The following VPS13B variants were observed in gnomAD, a reference collection of about 807,000 sequenced individuals.
VPS13B encodes vacuolar protein sorting 13 homolog B.
VPS13B carries 285 observed loss-of-function variants against 426.4 expected under a neutral mutation model. That is an observed-to-expected ratio of 0.67 (90% CI 0.61 to 0.74). The LOEUF is 0.74. VPS13B is among the 30% of genes least tolerant of loss of function. VPS13B has a pLI of 0.00. For missense variants in VPS13B, 4,537 were observed against 4,782.6 expected (o/e 0.95, Z 1.51); for synonymous variants, 1,676 against 1,676.4 (o/e 1.00, Z 0.01).
chr8:99,126,028 A>G (rs1394214832), intron 8 of VPS13B, among the ~76,000 whole-genome samples: 1 of 151,940 alleles, frequency 6.6e-6, no homozygotes, highest in Admixed American at 6.6e-5. Flanking sequence ...GAGGGGGAGA[A>G]TTGGCTGGAG....
At chr8:99,279,613 A>G (rs1460681865) in intron 19 of VPS13B, among the ~76,000 whole-genome samples, 2 of 152,070 alleles carry the variant, frequency 1.3e-5, no homozygotes, top group African/African-American at 2.4e-5. Context: ...TATTTTGCCT[A>G]TGATTCATAG....
chr8:99,360,054 C>G (rs190306053), intron 19 of VPS13B, among the ~76,000 whole-genome samples: 2 of 150,572 alleles, frequency 1.3e-5, no homozygotes, highest in East Asian at 3.9e-4. Context: ...CTGCCCACCT[C>G]GGCCTCCCAA....
intron 17 of VPS13B, chr8:99,232,916 G>A (rs779673099): frequency 7.1e-5 from 41 of 577,678 alleles, no homozygotes; most frequent in African/African-American, 1.1e-4. Flanking sequence ...GTCCCTGGCC[G>A]CCTCCGCAGA....
chr8:99,116,095 A>G lies in VPS13B; in HGVS notation c.937+221A>G, dbSNP rs537263609. ...TGGGCTGGAGTGCTGTGGTGCAATCATGGCTCACTGCAACCTCTGCCTCTC... is the reference window on the plus strand; with the variant it reads ...TGGGCTGGAGTGCTGTGGTGCAATCGTGGCTCACTGCAACCTCTGCCTCTC... On this transcript the variant is annotated intron_variant, in intron 7 of 61. Transcript: ENST00000357162. 5.9e-5 allele frequency among the ~76,000 whole-genome samples: 9 copies of G among 152,184 alleles called. No individual in the cohort carries two copies. In the South Asian group the frequency reaches 6.2e-4, roughly 11 times the overall value.
At chr8:99,064,266 T>C (rs1352225827) in intron 3 of VPS13B, among the ~76,000 whole-genome samples, 2 of 152,326 alleles carry the variant, frequency 1.3e-5, no homozygotes, top group East Asian at 3.9e-4. Context: ...TTTGAGGAGC[T>C]GACAGAATAA....
chr8:99,520,996 G>A lies in VPS13B; in HGVS notation c.4731G>A (p.Arg1577=), dbSNP rs1822355894. 6.2e-7 allele frequency: 1 copy of A among 1,613,366 alleles called. No homozygotes were observed. The highest frequency in any genetic ancestry group is 1.7e-5 in the Admixed American group (1 of 59,978). ...ATCCCCTTGGCAGATCTGTCCTTAG[G>A]AAAGATATTTACCAGTAAGTTTATT... ...ADNPLGRSVL[R]KDIYQRALNL... The change falls in exon 30 of 62, where the codon AGG becomes AGA. Residue 1577 remains arginine, a synonymous_variant. Coordinates refer to ENST00000357162, the MANE Select transcript of VPS13B (RefSeq NM_152564.5).
At chr8:99,510,509 G>GT (rs1262137560) in intron 28 of VPS13B, among the ~76,000 whole-genome samples, 1 of 152,056 alleles carries the variant, frequency 6.6e-6, no homozygotes, top group Non-Finnish European at 1.5e-5. Flanking sequence ...TCCAACCTAT[G>GT]TTTTTTTGTT....
At chr8:99,233,470 G>T in intron 17 of VPS13B, 1 of 1,346,394 alleles carries the variant, frequency 7.4e-7, no homozygotes, top group Non-Finnish European at 1.1e-6. Context: ...AGCCTGGGTT[G>T]GGATGAAGAG....
rs180744069 is a variant in VPS13B, at chr8:99,748,828, C to T, written c.7051-17946C>T. ...TTAAACTATTATGATGTATGGAATG[C>T]GCAAGATTTGGGAAGAGCAAAGCAC... is the stretch of plus-strand genomic sequence containing the variant. On this transcript the variant is annotated intron_variant, in intron 39 of 61. Coordinates refer to ENST00000357162, the MANE Select transcript of VPS13B (RefSeq NM_152564.5). Among the ~76,000 whole-genome samples the T allele has an allele frequency of 1.6e-4, 24 of 152,038 alleles. No individual in the cohort carries two copies. In the East Asian group the frequency reaches 2.3e-3, roughly 15 times the overall value.
chr8:99,059,533 G>A (rs543914405), intron 3 of VPS13B, among the ~76,000 whole-genome samples: 43 of 152,136 alleles, frequency 2.8e-4, no homozygotes, highest in African/African-American at 1.0e-3. Flanking sequence ...TCTGTACCAC[G>A]GATGTGAAGC....
chr8:99,170,753 GT>G (rs1768264159), intron 16 of VPS13B, among the ~76,000 whole-genome samples: 2 of 151,578 alleles, frequency 1.3e-5, no homozygotes, highest in African/African-American at 4.8e-5. Context: ...TAAATTTTTA[GT>G]TTAAAGGAAT....
intron 19 of VPS13B, among the ~76,000 whole-genome samples, chr8:99,320,351 T>A (rs552938080): frequency 1.1e-4 from 16 of 152,282 alleles, no homozygotes; most frequent in African/African-American, 3.6e-4. Flanking sequence ...CTCCTGGGAA[T>A]CCTAATCTTT....
intron 2 of VPS13B, among the ~76,000 whole-genome samples, chr8:99,030,544 G>GT (rs1842464923): frequency 2.0e-5 from 3 of 151,968 alleles, no homozygotes; most frequent in Non-Finnish European, 2.9e-5. Context: ...TTTACCCTGA[G>GT]TGTCTGGATA....
chr8:99,351,042 G>A (rs953378762), intron 19 of VPS13B, among the ~76,000 whole-genome samples: 23 of 152,022 alleles, frequency 1.5e-4, no homozygotes, highest in African/African-American at 5.1e-4. Context: ...AAAATAAGAA[G>A]TGCAGATTTT....
chr8:99,318,283 A>G (rs1809781067), intron 19 of VPS13B, among the ~76,000 whole-genome samples: 1 of 152,210 alleles, frequency 6.6e-6, no homozygotes, highest in Admixed American at 6.5e-5. Flanking sequence ...ATTATTCTAT[A>G]AACAAATATT....
chr8:99,675,203 C>G (rs1830881532), intron 35 of VPS13B, among the ~76,000 whole-genome samples: 1 of 152,062 alleles, frequency 6.6e-6, no homozygotes, highest in Non-Finnish European at 1.5e-5. Context: ...TTGCTAGATA[C>G]AGTATTCTTG....
intron 39 of VPS13B, among the ~76,000 whole-genome samples, chr8:99,743,142 A>C (rs1809851470): frequency 1.3e-5 from 2 of 152,198 alleles, no homozygotes; most frequent in African/African-American, 2.4e-5. Context: ...ACGATACAAA[A>C]TCACTGTGCA....
intron 25 of VPS13B, among the ~76,000 whole-genome samples, chr8:99,485,455 C>A (rs914489225): frequency 1.3e-5 from 2 of 152,176 alleles, no homozygotes; most frequent in African/African-American, 4.8e-5. Context: ...AGATGTGTCA[C>A]AGCTATGCTG....
intron 19 of VPS13B, among the ~76,000 whole-genome samples, chr8:99,379,365 G>T (rs981607331): frequency 1.5e-4 from 23 of 152,056 alleles, no homozygotes; most frequent in Admixed American, 1.2e-3. Context: ...GATGGGCGGG[G>T]GGGCAACAGA....
Sources: allele counts gnomAD v4.1 joint callset (sites outside exome capture counted in the v4.1 genomes callset), GRCh38; gene constraint gnomAD v4.1.1; transcripts MANE v1.5; gene names NCBI Gene and HGNC (gene_info 2026-07-23, HGNC 2026-07-21).